The following SUPT3H variants were observed in gnomAD, a reference collection of about 807,000 sequenced individuals.
SUPT3H encodes the protein SPT3 homolog, SAGA and STAGA complex component.
In SUPT3H, 44 loss-of-function variants were observed where a neutral mutation model predicts 44.3. That is an observed-to-expected ratio of 0.99 (90% CI 0.78 to 1.28). The LOEUF is 1.28. SUPT3H is among the 50% of genes most tolerant of loss of function. The pLI, the probability that SUPT3H is intolerant of heterozygous loss-of-function variation, is 0.00. For synonymous variants in SUPT3H, 124 were observed against 125.6 expected (o/e 0.99, Z 0.09); for missense variants, 380 against 387.1 (o/e 0.98, Z 0.15).
chr6:44,898,072 G>A (rs1002653580), intron 10 of SUPT3H, among the ~76,000 whole-genome samples: 1 of 152,196 alleles, frequency 6.6e-6, no homozygotes, highest in Non-Finnish European at 1.5e-5. Context: ...AGAAATAAGG[G>A]ACTAAGAATT....
intron 2 of SUPT3H, among the ~76,000 whole-genome samples, chr6:45,282,290 G>C (rs573661931): frequency 6.6e-6 from 1 of 151,550 alleles, no homozygotes. Context: ...AAACTAATCC[G>C]AGCTAAAGGA....
At chr6:45,347,600 A>C (rs927080115) in intron 2 of SUPT3H, among the ~76,000 whole-genome samples, 1 of 152,144 alleles carries the variant, frequency 6.6e-6, no homozygotes, top group African/African-American at 2.4e-5. Flanking sequence ...ATTCCCCAGC[A>C]TTCTTGGGGT....
chr6:44,950,569 G>T (rs928707646), intron 9 of SUPT3H, among the ~76,000 whole-genome samples: 14 of 152,102 alleles, frequency 9.2e-5, no homozygotes, highest in Non-Finnish European at 1.9e-4. Flanking sequence ...CTATGATCAT[G>T]CCTGTGAATA....
In SUPT3H at chr6:45,314,214, T is replaced by C. The variant is rs550960507; in HGVS notation, c.101+50987A>G. On this transcript the variant is annotated intron_variant, in intron 2 of 10. Coordinates refer to ENST00000371459, the MANE Select transcript of SUPT3H (RefSeq NM_003599.4). ...CTGAATGGGGAAAACTTGAAAGTAT[T>C]CCCCCTGAGAATGGGAACAAGACAA... Among the ~76,000 whole-genome samples, 97 of 152,102 alleles carry C rather than the reference T, an allele frequency of 6.4e-4. 1 individual carries two copies. The highest frequency in any genetic ancestry group is 5.4e-3 in the South Asian group (26 of 4,802).
At chr6:45,021,950 T>TA (rs1785199604) in intron 3 of SUPT3H, among the ~76,000 whole-genome samples, 1 of 152,050 alleles carries the variant, frequency 6.6e-6, no homozygotes, top group African/African-American at 2.4e-5. Context: ...GGTAGGTTTT[T>TA]AAAAAGATGA....
intron 10 of SUPT3H, among the ~76,000 whole-genome samples, chr6:44,895,575 TAAC>T (rs1427814108): frequency 4.6e-5 from 7 of 152,172 alleles, no homozygotes; most frequent in Admixed American, 4.6e-4. Context: ...AAACAAGCAA[TAAC>T]AAAACCAGTG....
chr6:45,108,032 A>G (rs1250720371), intron 2 of SUPT3H, among the ~76,000 whole-genome samples: 1 of 152,258 alleles, frequency 6.6e-6, no homozygotes, highest in Non-Finnish European at 1.5e-5. Context: ...TCTGATAAAG[A>G]CCATATATGA....
chr6:44,946,513 T>A (rs563362801), intron 9 of SUPT3H, among the ~76,000 whole-genome samples: 8 of 152,280 alleles, frequency 5.3e-5, no homozygotes, highest in African/African-American at 1.9e-4. Context: ...AGAAGCTGAT[T>A]CCAGCTATCA....
At chr6:44,992,393 G>A (rs1423343844) in intron 6 of SUPT3H, among the ~76,000 whole-genome samples, 7 of 152,196 alleles carry the variant, frequency 4.6e-5, no homozygotes, top group Non-Finnish European at 8.8e-5. Context: ...CAGTGGACAC[G>A]AGTGTTCACA....
intron 2 of SUPT3H, among the ~76,000 whole-genome samples, chr6:45,283,746 T>C (rs1469216515): frequency 1.3e-5 from 2 of 151,586 alleles, no homozygotes; most frequent in East Asian, 3.9e-4. Context: ...ATAATAGACA[T>C]CTACAGAACT....
intron 3 of SUPT3H, among the ~76,000 whole-genome samples, chr6:45,051,774 A>G (rs1790336891): frequency 6.6e-6 from 1 of 152,172 alleles, no homozygotes; most frequent in Admixed American, 6.5e-5. Context: ...GCAAAGGAGT[A>G]ATTATAACTA....
intron 2 of SUPT3H, among the ~76,000 whole-genome samples, chr6:45,175,887 T>C (rs1236609320): frequency 1.3e-5 from 2 of 152,240 alleles, no homozygotes; most frequent in African/African-American, 4.8e-5. Context: ...ATCAAGGTTA[T>C]TGCTAGACTG....
intron 2 of SUPT3H, among the ~76,000 whole-genome samples, chr6:45,315,672 G>A (rs1353526215): frequency 6.6e-6 from 1 of 152,138 alleles, no homozygotes; most frequent in Non-Finnish European, 1.5e-5. Flanking sequence ...CTTCTACACT[G>A]CTGGTAGGAA....
intron 2 of SUPT3H, 63 bp downstream of exon 2, chr6:45,365,138 A>G (rs910901488): frequency 5.0e-6 from 5 of 992,100 alleles, no homozygotes; most frequent in Non-Finnish European, 6.0e-6. Flanking sequence ...TGTTATGTCT[A>G]TTGTCTTTCA....
intron 3 of SUPT3H, among the ~76,000 whole-genome samples, chr6:45,063,081 G>C (rs141512678): frequency 0.35 from 50,730 of 144,198 alleles, 9,596 homozygotes; most frequent in Non-Finnish European, 0.43. Flanking sequence ...TTTGAAGAGA[G>C]CAGTGGTTCT....
chr6:45,163,752 A>T (rs981765404), intron 2 of SUPT3H, among the ~76,000 whole-genome samples: 14 of 151,356 alleles, frequency 9.2e-5, no homozygotes, highest in African/African-American at 3.4e-4. Flanking sequence ...TCAAATCAAC[A>T]TTAAATCAGA....
chr6:45,029,807 C>A (rs1210605093), intron 3 of SUPT3H, among the ~76,000 whole-genome samples: 1 of 152,192 alleles, frequency 6.6e-6, no homozygotes, highest in African/African-American at 2.4e-5. Flanking sequence ...CTCTGTCACC[C>A]AGGCTGGAGT....
At chr6:45,153,310 C>T (rs2153597423) in intron 2 of SUPT3H, among the ~76,000 whole-genome samples, 1 of 152,266 alleles carries the variant, frequency 6.6e-6, no homozygotes, top group Non-Finnish European at 1.5e-5. Context: ...GTGGCCAGAA[C>T]AATGCCTTAG....
intron 10 of SUPT3H, among the ~76,000 whole-genome samples, chr6:44,833,437 AACC>A (rs1269601735): frequency 6.6e-6 from 1 of 152,162 alleles, no homozygotes; most frequent in East Asian, 1.9e-4. Flanking sequence ...TTCAAGTTTT[AACC>A]ACCACAAGTA....
Sources: gnomAD v4.1 joint callset for allele counts (sites outside exome capture counted in the v4.1 genomes callset) on GRCh38, gnomAD v4.1.1 for gene constraint, MANE v1.5 for transcripts, NCBI Gene and HGNC (gene_info 2026-07-23, HGNC 2026-07-21) for gene names.